The following RTL4 variants were observed in gnomAD, a reference collection of about 807,000 sequenced individuals.
RTL4 encodes the protein retrotransposon Gag-like protein 4.
A neutral mutation model predicts 5.3 loss-of-function variants in RTL4; 4 were observed. The ratio of observed to expected loss-of-function variants is 0.75; its 90% CI spans 0.37 to 1.72. RTL4 has a LOEUF of 1.72. Among genes scored for constraint, RTL4 ranks in the 40% most tolerant of loss-of-function variants. The probability of loss-of-function intolerance (pLI) is 0.04; values close to 1 mark genes in which losing one functional copy is unlikely to be tolerated. For missense variants in RTL4, 260 were observed against 227.1 expected (o/e 1.14, Z -0.93); for synonymous variants, 98 against 87.3 (o/e 1.12, Z -0.68).
the RTL4 span, among the ~76,000 whole-genome samples, chrX:112,095,424 C>T: frequency 8.9e-6 from 1 of 111,821 alleles, no homozygotes; most frequent in Non-Finnish European, 1.9e-5. Flanking sequence ...ACTCTACAGA[C>T]TGAGTGCAGA....
exon 1 of RTL4, chrX:112,454,860 G>T (rs753200482): frequency 2.8e-5 from 34 of 1,208,808 alleles, no homozygotes; most frequent in Non-Finnish European, 3.7e-5. Flanking sequence ...GCCAAGTCAT[G>T]CCTGCCCTGG....
the RTL4 span, among the ~76,000 whole-genome samples, chrX:112,244,624 C>A: frequency 9.0e-6 from 1 of 111,659 alleles, no homozygotes; most frequent in African/African-American, 3.3e-5. Context: ...ATATAGCACA[C>A]TGATGGGTCT....
At chrX:112,362,595 G>C in the RTL4 span, among the ~76,000 whole-genome samples, 12 of 111,053 alleles carry the variant, frequency 1.1e-4, no homozygotes, top group South Asian at 3.8e-4. Context: ...AGTGCAGCTG[G>C]AGCAAAATGA....
At chrX:112,453,339 T>G (rs1295981286), upstream of RTL4, among the ~76,000 whole-genome samples, 2 of 112,376 alleles carry the variant, frequency 1.8e-5, no homozygotes, top group Admixed American at 9.4e-5. Flanking sequence ...GGAATTGAAG[T>G]GCAGAATAGT....
At chrX:112,157,836 C>T in the RTL4 span, among the ~76,000 whole-genome samples, 1 of 112,048 alleles carries the variant, frequency 8.9e-6, no homozygotes, top group African/African-American at 3.2e-5. Context: ...GAAGCCTTGA[C>T]CTTGGACCTT....
At chrX:112,204,551 T>C in the RTL4 span, among the ~76,000 whole-genome samples, 1 of 111,632 alleles carries the variant, frequency 9.0e-6, no homozygotes, top group South Asian at 3.7e-4. Flanking sequence ...TTATGTTAAG[T>C]GAAATAAGCT....
the RTL4 span, among the ~76,000 whole-genome samples, chrX:112,175,397 T>C: frequency 1.7e-4 from 18 of 108,002 alleles, no homozygotes; most frequent in East Asian, 5.1e-3. Context: ...TGTAGATATG[T>C]GGCGTTATTT....
the RTL4 span, among the ~76,000 whole-genome samples, chrX:112,213,139 G>T: frequency 1.8e-5 from 2 of 112,880 alleles, no homozygotes; most frequent in Non-Finnish European, 3.7e-5. Context: ...TCGCAGCAAT[G>T]GGGAACAAAT....
chrX:112,165,150 A>G, the RTL4 span, among the ~76,000 whole-genome samples: 28 of 111,871 alleles, frequency 2.5e-4, no homozygotes, highest in African/African-American at 8.8e-4. Flanking sequence ...TATCCTTCAC[A>G]TTGAGATTAC....
the RTL4 span, among the ~76,000 whole-genome samples, chrX:112,334,275 C>T: frequency 1.8e-5 from 2 of 111,926 alleles, no homozygotes; most frequent in Non-Finnish European, 3.8e-5. Flanking sequence ...GAGCAGATAT[C>T]CCTGTGATAT....
the RTL4 span, among the ~76,000 whole-genome samples, chrX:112,187,700 A>G: frequency 1.8e-5 from 2 of 111,668 alleles, no homozygotes; most frequent in Non-Finnish European, 3.8e-5. Flanking sequence ...AGCTCCCAAT[A>G]TATCCCCCAG....
chrX:112,392,223 G>A, the RTL4 span, among the ~76,000 whole-genome samples: 75 of 112,267 alleles, frequency 6.7e-4, no homozygotes, highest in Non-Finnish European at 1.3e-3. Flanking sequence ...AGCTGCTACT[G>A]GCTCCATAGC....
At chrX:112,288,441 T>G in the RTL4 span, among the ~76,000 whole-genome samples, 1 of 112,130 alleles carries the variant, frequency 8.9e-6, no homozygotes, top group Non-Finnish European at 1.9e-5. Flanking sequence ...ATGGCTTGTT[T>G]GTAGCAGTTT....
the RTL4 span, among the ~76,000 whole-genome samples, chrX:112,092,894 T>C: frequency 1.0e-3 from 113 of 111,725 alleles, no homozygotes; most frequent in African/African-American, 3.4e-3. Flanking sequence ...ATTAAACCTC[T>C]AAATTGCCCA....
the RTL4 span, among the ~76,000 whole-genome samples, chrX:112,418,135 G>A: frequency 1.8e-5 from 2 of 111,522 alleles, no homozygotes; most frequent in Admixed American, 9.5e-5. Context: ...GCCACAGAGC[G>A]AGACTCTGTC....
the RTL4 span, among the ~76,000 whole-genome samples, chrX:112,204,774 A>C: frequency 9.0e-6 from 1 of 111,365 alleles, no homozygotes; most frequent in African/African-American, 3.3e-5. Context: ...ACTGTAGTAA[A>C]TAATAACTGT....
At chrX:112,269,292 G>A in the RTL4 span, among the ~76,000 whole-genome samples, 1 of 111,818 alleles carries the variant, frequency 8.9e-6, no homozygotes, top group Admixed American at 9.5e-5. Context: ...TGAATTCATA[G>A]CCCATTCCCA....
At chrX:112,254,536 C>T in the RTL4 span, among the ~76,000 whole-genome samples, 2 of 110,479 alleles carry the variant, frequency 1.8e-5, no homozygotes, top group East Asian at 5.7e-4. Flanking sequence ...ACCAAGTTGG[C>T]CAGGATGGTC....
At chrX:112,374,179 T>C in the RTL4 span, among the ~76,000 whole-genome samples, 1 of 111,409 alleles carries the variant, frequency 9.0e-6, no homozygotes, top group Admixed American at 9.6e-5. Context: ...AAAATATATC[T>C]AGAAGTGATT....
Sources: allele counts gnomAD v4.1 joint callset (sites outside exome capture counted in the v4.1 genomes callset), GRCh38; gene constraint gnomAD v4.1.1; transcripts MANE v1.5; gene names NCBI Gene and HGNC (gene_info 2026-07-23, HGNC 2026-07-21).